GUCY1A2: variants seen among roughly 807,000 people sequenced by gnomAD.
GUCY1A2 encodes the protein guanylate cyclase soluble subunit alpha-2.
GUCY1A2 carries 27 observed loss-of-function variants against 63.5 expected under a neutral mutation model. The observed-to-expected ratio is 0.43, with a 90% CI of 0.31 to 0.59. GUCY1A2 has a LOEUF of 0.59. GUCY1A2 is among the 20% of genes least tolerant of loss of function. GUCY1A2 has a pLI of 0.11. For synonymous variants in GUCY1A2, 364 were observed against 343.5 expected (o/e 1.06, Z -0.66); for missense variants, 768 against 913.3 (o/e 0.84, Z 2.05).
chr11:106,898,631 T>C (rs1860084100), intron 4 of GUCY1A2, among the ~76,000 whole-genome samples: 1 of 152,104 alleles, frequency 6.6e-6, no homozygotes, highest in South Asian at 2.1e-4. Flanking sequence ...TCCAACTATA[T>C]AACATTCTGG....
At chr11:106,971,134 A>G (rs1334476927) in intron 3 of GUCY1A2, among the ~76,000 whole-genome samples, 1 of 152,048 alleles carries the variant, frequency 6.6e-6, no homozygotes, top group Non-Finnish European at 1.5e-5. Context: ...ATGATGTTAT[A>G]ATGGCAGTTA....
Position 106,677,192 on chromosome 11 carries a change from A to AAAGGAAGG in GUCY1A2, c.*10349_*10356dup, listed in dbSNP as rs1309670071. 3.2e-5 allele frequency: 7 copies of AAAGGAAGG among 221,870 alleles called. No homozygotes were observed. The highest frequency in any genetic ancestry group is 5.4e-5 in the Non-Finnish European group (6 of 110,386). The allele number at this position is 221,870 out of a possible 1,614,324, so 13.7% of individuals were successfully genotyped here. A position where few individuals can be genotyped will look rare whatever the true frequency, so the allele number is the denominator to read the frequency against. On this transcript the variant is annotated 3_prime_UTR_variant, in exon 8 of 8. Transcript: ENST00000526355. ...AAAGAGGGAGGGAAGGAAAGGAAGG[A>AAAGGAAGG]AAGGAAGGAAGGAAGGAAGATAGGA... is the stretch of plus-strand genomic sequence containing the variant.
At chr11:106,789,221 T>C (rs1191074485) in intron 5 of GUCY1A2, among the ~76,000 whole-genome samples, 1 of 152,216 alleles carries the variant, frequency 6.6e-6, no homozygotes, top group Non-Finnish European at 1.5e-5. Context: ...AAGTAGCTTG[T>C]CTTCAAGCTC....
intron 1 of GUCY1A2, among the ~76,000 whole-genome samples, chr11:107,004,268 C>T (rs1440936047): frequency 6.6e-6 from 1 of 152,112 alleles, no homozygotes; most frequent in Non-Finnish European, 1.5e-5. Context: ...AACAAGATTC[C>T]AACCTTATTT....
chr11:106,831,930 T>C (rs997873978), intron 4 of GUCY1A2, among the ~76,000 whole-genome samples: 2 of 152,156 alleles, frequency 1.3e-5, no homozygotes, highest in African/African-American at 4.8e-5. Context: ...ACTAAGAATG[T>C]GGTGAAAAGA....
intron 4 of GUCY1A2, among the ~76,000 whole-genome samples, chr11:106,927,578 T>A (rs1184053258): frequency 6.6e-6 from 1 of 151,776 alleles, no homozygotes; most frequent in Non-Finnish European, 1.5e-5. Flanking sequence ...AAGTCTTTTT[T>A]TTTTGAGTCA....
intron 6 of GUCY1A2, among the ~76,000 whole-genome samples, chr11:106,760,361 G>C (rs1409175721): frequency 1.3e-5 from 2 of 152,194 alleles, no homozygotes; most frequent in Non-Finnish European, 2.9e-5. Context: ...AGATTATGTA[G>C]TTGGAACAAT....
rs141379469 is a variant in GUCY1A2 at position 106,808,620 on chromosome 11, T to G, written c.1692+1373A>C. On this transcript the variant is annotated intron_variant, in intron 5 of 7. Coordinates refer to ENST00000526355, the MANE Select transcript of GUCY1A2 (RefSeq NM_000855.3). ...TCATTCTCATTTAGTTGTATGAACT[T>G]AGGGCTAAAACAAAACAAAACAAAA... Among the ~76,000 whole-genome samples, 713 of 149,052 alleles carry G rather than the reference T, an allele frequency of 4.8e-3. 8 individuals are homozygous for G. The highest frequency in any genetic ancestry group is 0.017 in the African/African-American group (694 of 41,090).
chr11:106,812,049 A>G (rs1034199949), intron 4 of GUCY1A2, among the ~76,000 whole-genome samples: 3 of 152,002 alleles, frequency 2.0e-5, no homozygotes, highest in Non-Finnish European at 4.4e-5. Flanking sequence ...GATTGTTTGT[A>G]TATGTTTCAT....
chr11:106,720,770 A>C (rs372986644), intron 6 of GUCY1A2, among the ~76,000 whole-genome samples: 11 of 152,230 alleles, frequency 7.2e-5, no homozygotes, highest in East Asian at 3.9e-4. Flanking sequence ...TATGATTACC[A>C]AATGTAATGT....
At chr11:106,997,556 C>T (rs1861555369) in intron 1 of GUCY1A2, among the ~76,000 whole-genome samples, 1 of 151,934 alleles carries the variant, frequency 6.6e-6, no homozygotes, top group South Asian at 2.1e-4. Flanking sequence ...CCACAAAAAT[C>T]GCTACCACCA....
chr11:106,932,469 C>T (rs1269183965), intron 4 of GUCY1A2, among the ~76,000 whole-genome samples: 1 of 152,068 alleles, frequency 6.6e-6, no homozygotes, highest in Non-Finnish European at 1.5e-5. Flanking sequence ...TCACTAATAT[C>T]TGCATCAAAA....
chr11:106,715,727 C>T (rs1409092869), intron 6 of GUCY1A2, among the ~76,000 whole-genome samples: 1 of 152,208 alleles, frequency 6.6e-6, no homozygotes, highest in East Asian at 1.9e-4. Context: ...TTGCTGCATT[C>T]AAGCCTGTGA....
intron 4 of GUCY1A2, among the ~76,000 whole-genome samples, chr11:106,914,024 A>AAG (rs949214102): frequency 1.3e-5 from 2 of 150,322 alleles, no homozygotes; most frequent in Admixed American, 6.7e-5. Context: ...AAGAAAAAGA[A>AAG]AGAGAGAGAG....
chr11:106,798,975 G>T (rs1864818877), intron 5 of GUCY1A2, among the ~76,000 whole-genome samples: 1 of 152,096 alleles, frequency 6.6e-6, no homozygotes, highest in Admixed American at 6.6e-5. Flanking sequence ...AAGTCAAATT[G>T]TCTGTTTGCA....
chr11:106,758,600 G>A (rs960742746), intron 6 of GUCY1A2, among the ~76,000 whole-genome samples: 1 of 152,174 alleles, frequency 6.6e-6, no homozygotes, highest in South Asian at 2.1e-4. Flanking sequence ...ACTGGGAGCT[G>A]CAGACCACCA....
intron 5 of GUCY1A2, among the ~76,000 whole-genome samples, chr11:106,789,375 A>C (rs923990352): frequency 6.6e-6 from 1 of 152,220 alleles, no homozygotes; most frequent in Non-Finnish European, 1.5e-5. Flanking sequence ...ACCTGACAGA[A>C]TTCTGAATTC....
intron 3 of GUCY1A2, among the ~76,000 whole-genome samples, chr11:106,972,082 T>G (rs958100925): frequency 6.6e-6 from 1 of 151,760 alleles, no homozygotes; most frequent in Non-Finnish European, 1.5e-5. Context: ...AAAAACAACA[T>G]AAGTCTGAGA....
At position 106,677,981 on chromosome 11, in the gene GUCY1A2, A is replaced by G; in HGVS notation, c.*9568T>C. 1 of 202,450 alleles carries G rather than the reference A, an allele frequency of 4.9e-6. No individual in the cohort carries two copies. Among genetic ancestry groups the G allele is most frequent in the East Asian group, 7.5e-5 (1 of 13,304 alleles). The allele number at this position is 202,450 out of a possible 1,614,324, so 12.5% of individuals were successfully genotyped here. A position where few individuals can be genotyped will look rare whatever the true frequency, so the allele number is the denominator to read the frequency against. On this transcript the variant is annotated 3_prime_UTR_variant, in exon 8 of 8. Coordinates refer to ENST00000526355, the MANE Select transcript of GUCY1A2 (RefSeq NM_000855.3). ...AAAAGCAATGAGCACCTATTATTTC[A>G]GGTCATTGAGTTATATAACAAATAA...
Sources: gnomAD v4.1 joint callset for allele counts (sites outside exome capture counted in the v4.1 genomes callset) on GRCh38, gnomAD v4.1.1 for gene constraint, MANE v1.5 for transcripts, NCBI Gene and HGNC (gene_info 2026-07-23, HGNC 2026-07-21) for gene names.